The following EFHC1 variants were observed in gnomAD, a reference collection of about 807,000 sequenced individuals.
The protein encoded by EFHC1 is EF-hand domain containing 1, also known as EF-hand domain-containing protein 1.
In EFHC1, 53 loss-of-function variants were observed where a neutral mutation model predicts 69.9. The ratio of observed to expected loss-of-function variants is 0.76; its 90% CI spans 0.61 to 0.95. The LOEUF is 0.95. Among genes scored for constraint, EFHC1 ranks in the 40% least tolerant of loss-of-function variants. The pLI is 0.00. For synonymous variants in EFHC1, 256 were observed against 278.4 expected (o/e 0.92, Z 0.80); for missense variants, 739 against 798.7 (o/e 0.93, Z 0.90).
chr6:52,458,494 C>T (rs1450168863), intron 5 of EFHC1, among the ~76,000 whole-genome samples: 1 of 152,160 alleles, frequency 6.6e-6, no homozygotes, highest in Non-Finnish European at 1.5e-5. Flanking sequence ...AGGCAAAGGA[C>T]ATGAACAGAC....
chr6:52,440,106 A>G (rs1764627449), intron 3 of EFHC1, among the ~76,000 whole-genome samples: 1 of 152,108 alleles, frequency 6.6e-6, no homozygotes, highest in Non-Finnish European at 1.5e-5. Flanking sequence ...TAGGACTATA[A>G]AGTCACCACA....
intron 9 of EFHC1, chr6:52,481,535 TC>T (rs1562463132): frequency 6.9e-5 from 10 of 145,092 alleles, no homozygotes; most frequent in African/African-American, 2.1e-4. Flanking sequence ...TCTCTCTCTC[TC>T]TCTCGACAGG....
intron 5 of EFHC1, among the ~76,000 whole-genome samples, chr6:52,458,207 G>A (rs1765086434): frequency 6.6e-6 from 1 of 152,032 alleles, no homozygotes; most frequent in South Asian, 2.1e-4. Flanking sequence ...ATACATAAAA[G>A]TTAACCCCAA....
intron 9 of EFHC1, among the ~76,000 whole-genome samples, chr6:52,480,582 G>A (rs1355963479): frequency 6.6e-6 from 1 of 152,140 alleles, no homozygotes; most frequent in Admixed American, 6.6e-5. Flanking sequence ...AAAAATTGGA[G>A]CAAATTAAGA....
rs1765625763 is a variant in EFHC1, at chr6:52,479,578, T to A, written c.1493-62T>A. The A allele has an allele frequency of 6.8e-6, 11 of 1,610,080 alleles. No individual in the cohort carries two copies. The Admixed American group carries it at 1.8e-4, about 27-fold the overall frequency. The stretch of plus-strand genomic sequence containing the variant: ...ATTTATCATTGGAGGGTTAATACTA[T>A]TTTACTCCTGATTGCGTGAGAGAAC... On this transcript the variant is annotated intron_variant, in intron 8 of 10. Transcript: ENST00000371068.
intron 5 of EFHC1, 26 bp from the exon 6 acceptor site, chr6:52,464,869 T>C (rs1562457046): frequency 6.3e-7 from 1 of 1,598,652 alleles, no homozygotes. Flanking sequence ...CCTTCTTTTT[T>C]TCTCTCTAAC....
intron 6 of EFHC1, chr6:52,468,998 A>C (rs1190746250): frequency 2.9e-6 from 1 of 350,116 alleles, no homozygotes; most frequent in African/African-American, 2.1e-5. Flanking sequence ...AGGTATATAC[A>C]AGAGAAAATG....
At chr6:52,437,215 G>T (rs1051176605) in intron 2 of EFHC1, among the ~76,000 whole-genome samples, 3 of 152,064 alleles carry the variant, frequency 2.0e-5, no homozygotes, top group Admixed American at 2.0e-4. Flanking sequence ...ATTTACAAAG[G>T]ACTACACTTC....
intron 7 of EFHC1, among the ~76,000 whole-genome samples, chr6:52,476,937 C>T (rs1368124064): frequency 6.6e-6 from 1 of 152,158 alleles, no homozygotes; most frequent in East Asian, 1.9e-4. Flanking sequence ...GATAATTGTA[C>T]TAATGGCTAT....
chr6:52,424,943 A>G (rs1764272526), intron 2 of EFHC1, among the ~76,000 whole-genome samples: 1 of 152,202 alleles, frequency 6.6e-6, no homozygotes, highest in African/African-American at 2.4e-5. Flanking sequence ...TAGCTTTCTT[A>G]ATTTACTCTT....
At chr6:52,455,865 T>G (rs1765033650) in intron 5 of EFHC1, among the ~76,000 whole-genome samples, 1 of 152,150 alleles carries the variant, frequency 6.6e-6, no homozygotes, top group Non-Finnish European at 1.5e-5. Context: ...AAAAATGTAG[T>G]GAAGGTACAT....
At chr6:52,427,644 A>G (rs1288202863) in intron 2 of EFHC1, among the ~76,000 whole-genome samples, 1 of 151,576 alleles carries the variant, frequency 6.6e-6, no homozygotes, top group Non-Finnish European at 1.5e-5. Flanking sequence ...TGTATACTTC[A>G]TGAAGGTAAG....
chr6:52,470,825 A>G (rs1765420695), intron 7 of EFHC1, among the ~76,000 whole-genome samples: 1 of 152,274 alleles, frequency 6.6e-6, no homozygotes, highest in Non-Finnish European at 1.5e-5. Context: ...ATAGTGTTAG[A>G]TATTGCTAAA....
rs534073493 is a variant in EFHC1 at position 52,421,644 on chromosome 6, G to A, written c.63+1171G>A. ...CAGCTTCACAAAGTTAAAATATTTT[G>A]TCAATTTATTTTCTTTGGAAGAATC... On this transcript the variant is annotated intron_variant, in intron 1 of 10. Transcript: ENST00000371068. Among the ~76,000 whole-genome samples, 23 of 152,254 alleles carry A rather than the reference G, an allele frequency of 1.5e-4. No individual in the cohort carries two copies. In the South Asian group the frequency reaches 4.8e-3, roughly 32 times the overall value.
chr6:52,463,194 AT>A lies in EFHC1; in HGVS notation c.917-1684del, dbSNP rs35702967. ...AGGTGCCCGCCACCACACCCAGCTA[AT>A]TTTTTTTTTTTTTTTTGTATTTTTA... On this transcript the variant is annotated intron_variant, in intron 5 of 10. Transcript: ENST00000371068. Among the ~76,000 whole-genome samples the A allele has an allele frequency of 7.1e-3, 939 of 132,948 alleles. 5 individuals carry two copies. The highest frequency in any genetic ancestry group is 0.021 in the African/African-American group (750 of 35,632). The allele number at this position is 132,948 out of a possible 152,430, so 87.2% of individuals were successfully genotyped here. A position where few individuals can be genotyped will look rare whatever the true frequency, so the allele number is the denominator to read the frequency against.
chr6:52,434,695 C>T (rs1764492202), intron 2 of EFHC1, among the ~76,000 whole-genome samples: 1 of 152,184 alleles, frequency 6.6e-6, no homozygotes, highest in South Asian at 2.1e-4. Context: ...CAATCTAGTC[C>T]TACCTTCCAT....
chr6:52,465,881 T>C (rs1765296221), intron 6 of EFHC1, among the ~76,000 whole-genome samples: 1 of 148,396 alleles, frequency 6.7e-6, no homozygotes, highest in African/African-American at 2.4e-5. Flanking sequence ...TTATAAATCA[T>C]ATTGTTTATA....
intron 9 of EFHC1, chr6:52,483,897 G>A (rs1765731582): frequency 6.6e-6 from 1 of 152,266 alleles, no homozygotes; most frequent in Non-Finnish European, 1.5e-5. Context: ...GTAGATTTAA[G>A]AGAGAATGGG....
In EFHC1 at chr6:52,464,843, T is replaced by TAAAGA. The variant is rs1324707816; in HGVS notation, c.917-52_917-51insAAAGA. The TAAAGA allele has an allele frequency of 5.2e-4, 779 of 1,503,706 alleles. 8 individuals carry two copies. In the African/African-American group the frequency reaches 0.01, roughly 19 times the overall value. 93.1% of individuals were successfully genotyped at this position (1,503,706 alleles called of 1,614,324 possible). ...GCCTGGCAGTTGTGTGTCAAGTCTT[T>TAAAGA]CTTGACACACTCATTCCTTCTTTTT... is the stretch of plus-strand genomic sequence containing the variant. On this transcript the variant is annotated intron_variant, in intron 5 of 10. Transcript: ENST00000371068.
Sources: gnomAD v4.1 joint callset for allele counts (sites outside exome capture counted in the v4.1 genomes callset) on GRCh38, gnomAD v4.1.1 for gene constraint, MANE v1.5 for transcripts, NCBI Gene and HGNC (gene_info 2026-07-23, HGNC 2026-07-21) for gene names.